Variants in PAK1IP1 observed in about 807,000 individuals in gnomAD.
PAK1IP1 encodes PAK1 interacting protein 1.
In PAK1IP1, 24 loss-of-function variants were observed where a neutral mutation model predicts 42.0. The observed-to-expected ratio is 0.57, with a 90% confidence interval of 0.41 to 0.80. PAK1IP1 has a LOEUF of 0.80. PAK1IP1 is among the 30% of genes least tolerant of loss of function. PAK1IP1 has a pLI of 0.00. For missense variants in PAK1IP1, 411 were observed against 467.9 expected (o/e 0.88, Z 1.12); for synonymous variants, 154 against 156.7 (o/e 0.98, Z 0.13).
chr6:10,694,141 T>A (rs947266029), upstream of PAK1IP1, among the ~76,000 whole-genome samples: 4 of 150,820 alleles, frequency 2.7e-5, no homozygotes, highest in Non-Finnish European at 5.9e-5. Flanking sequence ...ATGCCTGTAA[T>A]CCCAGCTACT....
At chr6:10,698,110 C>G (rs751490393) in intron 2 of PAK1IP1, among the ~76,000 whole-genome samples, 32 of 152,114 alleles carry the variant, frequency 2.1e-4, no homozygotes, top group Non-Finnish European at 4.1e-4. Context: ...GTGAGGAGCA[C>G]AAGTAGTAGC....
chr6:10,701,831 A>G (rs1206439997), intron 2 of PAK1IP1, among the ~76,000 whole-genome samples: 1 of 152,214 alleles, frequency 6.6e-6, no homozygotes. Context: ...AAGGACGTGA[A>G]CTGATTTGTT....
chr6:10,703,115 G>A (rs1457762382), intron 4 of PAK1IP1, among the ~76,000 whole-genome samples: 4 of 152,048 alleles, frequency 2.6e-5, no homozygotes, highest in African/African-American at 9.7e-5. Flanking sequence ...AACAAGCTCC[G>A]TTTTCAAACA....
In PAK1IP1 at chr6:10,709,603, T is replaced by TTAA; in HGVS notation, c.*151_*152insTAA. ...AAAACCACTTTTAGATGGTTTTTTTTAAAAAAAAAAAAAAAACTGGTAAAA... is the reference window on the plus strand; with the variant it reads ...AAAACCACTTTTAGATGGTTTTTTTTTAAAAAAAAAAAAAAAAAACTGGTAAAA... On this transcript the variant is annotated 3_prime_UTR_variant, in exon 10 of 10. Transcript: ENST00000379568. The TTAA allele has an allele frequency of 1.1e-5, 3 of 284,166 alleles. No homozygotes were observed. The highest frequency in any genetic ancestry group is 1.0e-4 in the South Asian group (1 of 9,998). The allele number at this position is 284,166 out of a possible 1,614,324, so 17.6% of individuals were successfully genotyped here. A position where few individuals can be genotyped will look rare whatever the true frequency, so the allele number is the denominator to read the frequency against.
chr6:10,704,449 A>C, intron 5 of PAK1IP1, 58 bp from the exon 6 acceptor site: 7 of 941,242 alleles, frequency 7.4e-6, no homozygotes, highest in African/African-American at 1.7e-5. Flanking sequence ...TTTTATTACT[A>C]TGATCATTTT....
intron 2 of PAK1IP1, among the ~76,000 whole-genome samples, chr6:10,698,005 A>G (rs1001512278): frequency 3.9e-5 from 6 of 152,150 alleles, no homozygotes; most frequent in African/African-American, 1.4e-4. Context: ...CTTCCTTAAA[A>G]TGACATCTGA....
Position 10,704,288 on chromosome 6 carries a change from G to C in PAK1IP1, c.497-219G>C, listed in dbSNP as rs187983599. Among the ~76,000 whole-genome samples the C allele has an allele frequency of 2.6e-5, 4 of 152,292 alleles. No homozygotes were observed. The East Asian group carries it at 7.7e-4, about 29-fold the overall frequency. On this transcript the variant is annotated intron_variant, in intron 5 of 9. Transcript: ENST00000379568. ...GATCCACCCACCTTGGCCTCCCAAA[G>C]TGCTGGCATTACAGGTGTGAGCCAC... is the stretch of plus-strand genomic sequence containing the variant.
At chr6:10,703,813 T>C (rs964142968) in intron 5 of PAK1IP1, among the ~76,000 whole-genome samples, 3 of 152,206 alleles carry the variant, frequency 2.0e-5, no homozygotes, top group Non-Finnish European at 4.4e-5. Context: ...TCAACCTGTA[T>C]ATTTTACAGT....
intron 4 of PAK1IP1, 142 bp downstream of exon 4, chr6:10,702,781 T>C: frequency 6.2e-6 from 4 of 642,790 alleles, no homozygotes; most frequent in South Asian, 1.9e-5. Context: ...AGAATGAAAA[T>C]GACAAGCTCT....
At chr6:10,694,610 G>A (rs933694354), upstream of PAK1IP1, 17 of 196,930 alleles carry the variant, frequency 8.6e-5, no homozygotes, top group South Asian at 2.9e-4. Flanking sequence ...GCAACCGGCC[G>A]GAAGTCGGCC....
chr6:10,707,091 T>C (rs1377300684), intron 7 of PAK1IP1, among the ~76,000 whole-genome samples: 2 of 152,186 alleles, frequency 1.3e-5, no homozygotes, highest in Non-Finnish European at 2.9e-5. Context: ...CTCTCCTTAC[T>C]GAACTTGGAG....
At chr6:10,694,065 G>T (rs1769611174), upstream of PAK1IP1, among the ~76,000 whole-genome samples, 1 of 152,074 alleles carries the variant, frequency 6.6e-6, no homozygotes, top group Admixed American at 6.5e-5. Flanking sequence ...TTCAAAACCA[G>T]CCTAGCCAAC....
chr6:10,699,083 C>T (rs923599066), intron 2 of PAK1IP1, among the ~76,000 whole-genome samples: 1 of 151,770 alleles, frequency 6.6e-6, no homozygotes, highest in Non-Finnish European at 1.5e-5. Flanking sequence ...ACCTGTAGTC[C>T]CAGCTACTTA....
At chr6:10,693,945 CTT>C (rs1561886508), upstream of PAK1IP1, among the ~76,000 whole-genome samples, 1 of 152,110 alleles carries the variant, frequency 6.6e-6, no homozygotes, top group Non-Finnish European at 1.5e-5. Context: ...CTCAGGCTCA[CTT>C]TGTTTTCCCA....
chr6:10,702,268 A>T, intron 2 of PAK1IP1, 101 bp from the exon 3 acceptor site: 49 of 869,138 alleles, frequency 5.6e-5, no homozygotes, highest in Non-Finnish European at 7.8e-5. Context: ...AAAGAAAAAA[A>T]GGTATTGAGT....
At chr6:10,701,239 G>C (rs1201822462) in intron 2 of PAK1IP1, among the ~76,000 whole-genome samples, 1 of 152,112 alleles carries the variant, frequency 6.6e-6, no homozygotes, top group Non-Finnish European at 1.5e-5. Context: ...ACCACATCCA[G>C]CTAATTTTTG....
chr6:10,703,339 T>C (rs1709421791), intron 4 of PAK1IP1, 66 bp from the exon 5 acceptor site: 4 of 1,180,760 alleles, frequency 3.4e-6, no homozygotes, highest in Non-Finnish European at 5.0e-6. Flanking sequence ...TTCATTATGC[T>C]TGTTCTTTTA....
chr6:10,694,600 GCA>G, upstream of PAK1IP1: 4 of 173,900 alleles, frequency 2.3e-5, no homozygotes, highest in South Asian at 2.3e-4. Flanking sequence ...CAGCCCCTAA[GCA>G]ACCGGCCGGA....
rs548071451 is a variant in PAK1IP1, at chr6:10,709,337, C to G, written c.1064C>G (p.Thr355Arg). Residue 355 changes from threonine to arginine, a missense_variant, in exon 10 of 10, where the codon ACA (threonine) becomes AGA (arginine). Physicochemically the swap from Thr to Arg is moderately conservative, Grantham distance 71. Transcript: ENST00000379568. The part of the protein sequence containing the change: ...SKPNTKKRGL[T>R]GDSKKATKES... ...CCTAACACAAAGAAACGCGGTTTAA[C>G]AGGTGACAGTAAGAAAGCAACAAAA... The G allele has an allele frequency of 6.2e-7, 1 of 1,613,784 alleles. No individual in the cohort carries two copies. The highest frequency in any genetic ancestry group is 1.7e-5 in the Admixed American group (1 of 59,974).
Sources: allele counts gnomAD v4.1 joint callset (sites outside exome capture counted in the v4.1 genomes callset), GRCh38; gene constraint gnomAD v4.1.1; transcripts MANE v1.5; gene names NCBI Gene and HGNC (gene_info 2026-07-23, HGNC 2026-07-21).